The following TDRD1 variants were observed in gnomAD, a reference collection of about 807,000 sequenced individuals.
TDRD1 encodes the protein tudor domain containing 1.
In TDRD1, 37 loss-of-function variants were observed where a neutral mutation model predicts 140.6. The ratio of observed to expected loss-of-function variants is 0.26; its 90% confidence interval spans 0.20 to 0.35. The LOEUF (loss-of-function observed/expected upper bound fraction) is 0.35. Ranked by LOEUF, TDRD1 falls within the 10% of genes least tolerant of loss-of-function variation. TDRD1 has a pLI of 1.00. For synonymous variants in TDRD1, 506 were observed against 475.7 expected (o/e 1.06, Z -0.83); for missense variants, 1,243 against 1,393.0 (o/e 0.89, Z 1.71).
chr10:114,187,766 T>C, intron 1 of TDRD1, 60 bp from the exon 2 acceptor site: 1 of 1,372,370 alleles, frequency 7.3e-7, no homozygotes. Flanking sequence ...CCTCTGAGCC[T>C]GCAGTTCTTC....
At chr10:114,204,622 TAA>T (rs1370557925) in intron 9 of TDRD1, 98 bp from the exon 10 acceptor site, 4 of 1,223,870 alleles carry the variant, frequency 3.3e-6, no homozygotes, top group South Asian at 1.6e-5. Context: ...AGATTTGTGA[TAA>T]GTTTTCAGCA....
At chr10:114,212,691 T>C (rs552156270) in intron 14 of TDRD1, among the ~76,000 whole-genome samples, 2 of 152,332 alleles carry the variant, frequency 1.3e-5, no homozygotes, top group African/African-American at 4.8e-5. Context: ...GAGTTGTAAG[T>C]GCCACCAATG....
chr10:114,188,198 G>T, intron 2 of TDRD1, 42 bp downstream of exon 2: 1 of 1,518,626 alleles, frequency 6.6e-7, no homozygotes, highest in Non-Finnish European at 8.8e-7. Flanking sequence ...CATTCTCATG[G>T]TTTCTGTGAC....
chr10:114,206,381 C>T (rs563896291), intron 11 of TDRD1, 51 bp downstream of exon 11: 1 of 1,442,718 alleles, frequency 6.9e-7, no homozygotes, highest in Non-Finnish European at 9.7e-7. Context: ...TATTGAAGAC[C>T]ATCTACCTAC....
chr10:114,175,482 G>A (rs12571485), upstream of TDRD1, among the ~76,000 whole-genome samples: 15 of 150,910 alleles, frequency 9.9e-5, no homozygotes, highest in East Asian at 2.9e-3. Flanking sequence ...CATTTTTTTC[G>A]TGAAAAAAAA....
At chr10:114,219,097 T>A (rs899271000) in intron 18 of TDRD1, among the ~76,000 whole-genome samples, 14 of 152,352 alleles carry the variant, frequency 9.2e-5, no homozygotes, top group Admixed American at 5.2e-4. Context: ...TCTACATGTT[T>A]AGCTGTCTAT....
At chr10:114,196,663 T>TCC (rs202127303) in intron 3 of TDRD1, among the ~76,000 whole-genome samples, 6 of 151,272 alleles carry the variant, frequency 4.0e-5, no homozygotes, top group African/African-American at 1.2e-4. Flanking sequence ...TTTAAAAATT[T>TCC]CCCCCCCCAT....
chr10:114,226,063 T>C, exon 22 of TDRD1: 1 of 1,614,062 alleles, frequency 6.2e-7, no homozygotes, highest in Non-Finnish European at 8.5e-7. Flanking sequence ...TGATTTTTGG[T>C]ATCGTGCAGT....
At chr10:114,177,858 G>A (rs2032741770), upstream of TDRD1, among the ~76,000 whole-genome samples, 2 of 136,590 alleles carry the variant, frequency 1.5e-5, no homozygotes, top group South Asian at 4.6e-4. Context: ...TTTTGAGACA[G>A]TCTTGCTCTG....
intron 16 of TDRD1, 124 bp downstream of exon 16, chr10:114,214,238 T>C (rs1202598626): frequency 2.5e-6 from 2 of 803,120 alleles, no homozygotes; most frequent in Non-Finnish European, 3.9e-6. Flanking sequence ...GGTATTTGTA[T>C]TTCCAAGAAA....
chr10:114,212,390 T>G (rs1468192726), intron 14 of TDRD1, among the ~76,000 whole-genome samples: 1 of 152,190 alleles, frequency 6.6e-6, no homozygotes, highest in Non-Finnish European at 1.5e-5. Context: ...GTCTCCTTCT[T>G]TTCATGTTTG....
chr10:114,224,910 G>T (rs1185663612), intron 21 of TDRD1, among the ~76,000 whole-genome samples: 2 of 152,170 alleles, frequency 1.3e-5, no homozygotes, highest in Non-Finnish European at 2.9e-5. Context: ...TTAAGATGGG[G>T]CACTGAGAAG....
intron 1 of TDRD1, chr10:114,180,144 C>T (rs1358181070): frequency 6.6e-6 from 1 of 152,184 alleles, no homozygotes; most frequent in Non-Finnish European, 1.5e-5. Flanking sequence ...AGCCTGCAAG[C>T]TGGTTCCACA....
At chr10:114,187,670 T>C (rs575092745) in intron 1 of TDRD1, among the ~76,000 whole-genome samples, 156 bp from the exon 2 acceptor site, 1 of 152,220 alleles carries the variant, frequency 6.6e-6, no homozygotes, top group Non-Finnish European at 1.5e-5. Flanking sequence ...TTGTGCCTTG[T>C]CGGCCAAGTT....
intron 3 of TDRD1, among the ~76,000 whole-genome samples, chr10:114,196,584 C>CT (rs201159135): frequency 0.012 from 1,760 of 152,202 alleles, 33 homozygotes; most frequent in African/African-American, 0.04. Context: ...TCCTTTCCCA[C>CT]TTTCAGAGTC....
chr10:114,199,822 C>A (rs183102933), intron 4 of TDRD1, among the ~76,000 whole-genome samples: 96 of 152,334 alleles, frequency 6.3e-4, no homozygotes, highest in Non-Finnish European at 1.1e-3. Context: ...AATAGTATCT[C>A]ATTGTATGGT....
At chr10:114,198,658 A>AC (rs2034529745) in intron 3 of TDRD1, among the ~76,000 whole-genome samples, 1 of 151,954 alleles carries the variant, frequency 6.6e-6, no homozygotes, top group African/African-American at 2.4e-5. Context: ...TTTTTCTTTT[A>AC]AATGATGAGG....
At chr10:114,199,242 A>G (rs2034568214) in exon 4 of TDRD1, 8 of 1,614,038 alleles carry the variant, frequency 5.0e-6, no homozygotes, top group Admixed American at 3.3e-5. Context: ...TTCCTTGTCC[A>G]TAAGTAATCC....
At chr10:114,214,174 C>G in intron 16 of TDRD1, 60 bp downstream of exon 16, 1 of 1,472,170 alleles carries the variant, frequency 6.8e-7, no homozygotes, top group East Asian at 2.3e-5. Context: ...ATAATAACTT[C>G]ACATGAGTTT....
Sources: allele counts gnomAD v4.1 joint callset (sites outside exome capture counted in the v4.1 genomes callset), GRCh38; gene constraint gnomAD v4.1.1; transcripts MANE v1.5; gene names NCBI Gene and HGNC (gene_info 2026-07-23, HGNC 2026-07-21).